Variants in NUP50 observed in about 807,000 individuals in gnomAD.
The protein encoded by NUP50 is nucleoporin 50, also known as nuclear pore complex protein Nup50.
NUP50 carries 14 observed loss-of-function variants against 36.8 expected under a neutral mutation model. That is an observed-to-expected ratio of 0.38 (90% CI 0.25 to 0.59). The LOEUF (loss-of-function observed/expected upper bound fraction) is 0.59. Ranked by LOEUF, NUP50 falls within the 20% of genes least tolerant of loss-of-function variation. The probability of loss-of-function intolerance (pLI) is 0.63; values close to 1 mark genes in which losing one functional copy is unlikely to be tolerated. For synonymous variants in NUP50, 195 were observed against 210.8 expected, an observed-to-expected ratio of 0.93 and a Z score of 0.65; for missense variants, 455 against 564.6, an observed-to-expected ratio of 0.81 and a Z score of 1.97.
At chr22:45,169,454 A>G (rs894877944) in intron 2 of NUP50, among the ~76,000 whole-genome samples, 1 of 152,164 alleles carries the variant, frequency 6.6e-6, no homozygotes. Flanking sequence ...TGAAGGCACA[A>G]ACTGTTTCAG....
intron 5 of NUP50, 192 bp downstream of exon 5, chr22:45,179,092 G>A (rs1356214257): frequency 3.8e-6 from 2 of 527,088 alleles, no homozygotes; most frequent in Non-Finnish European, 6.5e-6. Flanking sequence ...TAAGACTTTT[G>A]TAGGGTTGTT....
intron 1 of NUP50, chr22:45,166,181 C>T (rs1215218605): frequency 6.6e-6 from 1 of 151,758 alleles, no homozygotes; most frequent in Non-Finnish European, 1.5e-5. Flanking sequence ...TCACCTGTCT[C>T]TTCATTGTGG....
intron 4 of NUP50, among the ~76,000 whole-genome samples, chr22:45,176,896 C>T (rs527319646): frequency 6.6e-6 from 1 of 152,256 alleles, no homozygotes; most frequent in Admixed American, 6.5e-5. Context: ...CATGCACCAC[C>T]ATGCCCAGCT....
At chr22:45,182,631 T>TTTG (rs1555894558) in intron 6 of NUP50, among the ~76,000 whole-genome samples, 4 of 139,186 alleles carry the variant, frequency 2.9e-5, no homozygotes, top group East Asian at 2.0e-4. Context: ...TTGTTTTTTT[T>TTTG]TTTTTTTTTT....
intron 6 of NUP50, among the ~76,000 whole-genome samples, chr22:45,183,085 C>CCG (rs2074405591): frequency 1.8e-5 from 2 of 114,136 alleles, no homozygotes; most frequent in African/African-American, 6.8e-5. Flanking sequence ...GGGTTGGGGG[C>CCG]GGGGGGGGGG....
chr22:45,185,081 C>G lies in NUP50; in HGVS notation c.*426C>G, dbSNP rs573413800. The G allele has an allele frequency of 9.4e-6, 2 of 213,506 alleles. No individual in the cohort carries two copies. Among genetic ancestry groups the G allele is most frequent in the East Asian group, 2.5e-4 (2 of 7,860 alleles). 13.2% of individuals were successfully genotyped at this position (213,506 alleles called of 1,614,324 possible). A position where few individuals can be genotyped will look rare whatever the true frequency, so the allele number is the denominator to read the frequency against. ...AGGAAGCTGGCCTGTGTGCTTCTCT[C>G]CGGTGGGCTCAGCCGACGTGTGAGA... On this transcript the variant is annotated 3_prime_UTR_variant, in exon 8 of 8. Coordinates refer to ENST00000347635, the MANE Select transcript of NUP50 (RefSeq NM_007172.4).
At chr22:45,172,571 C>G (rs2074212609) in intron 3 of NUP50, among the ~76,000 whole-genome samples, 2 of 151,838 alleles carry the variant, frequency 1.3e-5, no homozygotes, top group Admixed American at 6.6e-5. Flanking sequence ...GAGCGTTCTC[C>G]TTAAGGGACA....
rs1036755502 is a variant in NUP50 at position 45,186,236 on chromosome 22, T to C, written c.*1581T>C. 2 of 152,162 alleles carry C rather than the reference T, an allele frequency of 1.3e-5. No homozygotes were observed. The highest frequency in any genetic ancestry group is 4.8e-5 in the African/African-American group (2 of 41,428). The allele number at this position is 152,162 out of a possible 1,614,324, so 9.4% of individuals were successfully genotyped here. ...GTAGAGAGAGGTGAGCTTGTCCTGT[T>C]ACAGATGCTGTCAGACATAGCGATA... On this transcript the variant is annotated 3_prime_UTR_variant, in exon 8 of 8. Coordinates refer to ENST00000347635, the MANE Select transcript of NUP50 (RefSeq NM_007172.4).
At chr22:45,177,338 A>C (rs1484370767) in intron 4 of NUP50, among the ~76,000 whole-genome samples, 1 of 151,856 alleles carries the variant, frequency 6.6e-6, no homozygotes, top group Non-Finnish European at 1.5e-5. Context: ...ACACCACCAC[A>C]CTCAGCTAAT....
rs986468900 is a variant in NUP50, at chr22:45,187,554, G to C, written c.*2899G>C. On this transcript the variant is annotated 3_prime_UTR_variant, in exon 8 of 8. Transcript: ENST00000347635. Reference sequence around the variant, plus strand: ...TAAAAGTTAAACAAGTTTGTTTTTTGAGCATTTGTCAGTTATTCTATTTCA... The same window carrying C: ...TAAAAGTTAAACAAGTTTGTTTTTTCAGCATTTGTCAGTTATTCTATTTCA... 3.5e-4 allele frequency: 54 copies of C among 152,150 alleles called. No homozygotes were observed. The highest frequency in any genetic ancestry group is 1.1e-3 in the African/African-American group (47 of 41,510). 9.4% of individuals were successfully genotyped at this position (152,150 alleles called of 1,614,324 possible).
At chr22:45,171,766 A>C in intron 3 of NUP50, 83 bp downstream of exon 3, 1 of 1,033,402 alleles carries the variant, frequency 9.7e-7, no homozygotes, top group East Asian at 2.5e-5. Context: ...GGGAGCAATG[A>C]TATCAACAAA....
rs1555892974 is a variant in NUP50 at position 45,174,675 on chromosome 22, C to CGTGAATCA, written c.154-1219_154-1218insGTGAATCA. 4.6e-5 allele frequency among the ~76,000 whole-genome samples: 7 copies of CGTGAATCA among 151,930 alleles called. No individual in the cohort carries two copies. In the South Asian group the frequency reaches 1.2e-3, roughly 27 times the overall value. On this transcript the variant is annotated intron_variant, in intron 3 of 7. Coordinates refer to ENST00000347635, the MANE Select transcript of NUP50 (RefSeq NM_007172.4). ...CCACTTAATGGCTTTATAGTTTGTC[C>CGTGAATCA]ATGAATCATTGTTTTAAAATGACAG...
intron 1 of NUP50, among the ~76,000 whole-genome samples, chr22:45,166,627 T>A (rs2074098952): frequency 6.6e-6 from 1 of 151,708 alleles, no homozygotes; most frequent in African/African-American, 2.4e-5. Context: ...GTTGGTGACT[T>A]CTTACTTCTC....
chr22:45,184,404 G>A (rs2074434803), intron 7 of NUP50, 49 bp from the exon 8 acceptor site: 1 of 1,518,164 alleles, frequency 6.6e-7, no homozygotes, highest in Non-Finnish European at 9.1e-7. Context: ...CTCCTTTGGT[G>A]GAGCTATAGC....
At position 45,178,561 on chromosome 22, in the gene NUP50, C is replaced by G. The variant is rs755413949; in HGVS notation, c.664C>G (p.Pro222Ala). 3 of 1,612,036 alleles carry G rather than the reference C, an allele frequency of 1.9e-6. No homozygotes were observed. The highest frequency in any genetic ancestry group is 4.5e-5 in the East Asian group (2 of 44,884). Residue 222 changes from proline (P) to alanine (A), a missense_variant, in exon 5 of 8, where the codon CCT (proline) becomes GCT (alanine). By Grantham distance (27) the Pro-to-Ala change is conservative (BLOSUM62 -1). Around this residue, in one of 3 missense-constraint regions of NUP50, gnomAD observed 287 missense variants for 345.5 expected, o/e 0.83. Transcript: ENST00000347635. ...CAAAGTGGCAGCTGAAACACAGTCTCCTTCCCTTTTTGGCTCAACAAAATT... is the reference window on the plus strand; with the variant it reads ...CAAAGTGGCAGCTGAAACACAGTCTGCTTCCCTTTTTGGCTCAACAAAATT... ...SNKVAAETQS[P>A]SLFGSTKLQQ...
chr22:45,166,848 C>T (rs1158651325), intron 1 of NUP50, among the ~76,000 whole-genome samples: 1 of 151,886 alleles, frequency 6.6e-6, no homozygotes, highest in East Asian at 1.9e-4. Flanking sequence ...GTATTTATTT[C>T]TCATCCTTTA....
chr22:45,180,663 C>CCA (rs1334096335), intron 5 of NUP50, among the ~76,000 whole-genome samples: 2 of 152,176 alleles, frequency 1.3e-5, no homozygotes, highest in African/African-American at 2.4e-5. Context: ...CAGGCGTGAG[C>CCA]CACTGTACAC....
At chr22:45,176,844 C>G (rs1403643220) in intron 4 of NUP50, among the ~76,000 whole-genome samples, 1 of 151,950 alleles carries the variant, frequency 6.6e-6, no homozygotes. Context: ...TGGGTTTAAG[C>G]GATTCTCCTG....
At chr22:45,177,480 T>C (rs1300100760) in intron 4 of NUP50, among the ~76,000 whole-genome samples, 1 of 152,164 alleles carries the variant, frequency 6.6e-6, no homozygotes, top group Non-Finnish European at 1.5e-5. Context: ...CACACCTGGC[T>C]GAGGACTGCA....
Sources: gnomAD v4.1 joint callset for allele counts (sites outside exome capture counted in the v4.1 genomes callset) on GRCh38, gnomAD v4.1.1 for gene constraint, gnomAD v4.1.1 regional missense constraint, MANE v1.5 for transcripts, NCBI Gene and HGNC (gene_info 2026-07-23, HGNC 2026-07-21) for gene names.